The following SSBP3 variants were observed in gnomAD, a reference collection of about 807,000 sequenced individuals.
The protein encoded by SSBP3 is single stranded DNA binding protein 3.
A neutral mutation model predicts 69.6 loss-of-function variants in SSBP3; 5 were observed. The ratio of observed to expected loss-of-function variants is 0.07; its 90% CI spans 0.04 to 0.15. SSBP3 has a LOEUF of 0.15. Among genes scored for constraint, SSBP3 ranks in the 10% least tolerant of loss-of-function variants. The probability of loss-of-function intolerance (pLI) is 1.00; values close to 1 mark genes in which losing one functional copy is unlikely to be tolerated. For missense variants in SSBP3, 312 were observed against 534.0 expected, an observed-to-expected ratio of 0.58 and a Z score of 4.10; for synonymous variants, 196 against 193.4, an observed-to-expected ratio of 1.01 and a Z score of -0.11.
At chr1:54,257,221 G>C in intron 6 of SSBP3, 35 bp from the exon 7 acceptor site, 4 of 1,564,056 alleles carry the variant, frequency 2.6e-6, no homozygotes, top group Non-Finnish European at 3.5e-6. Flanking sequence ...ATGACAGCCT[G>C]CCCTACTGCA....
At chr1:54,242,333 G>T in intron 10 of SSBP3, 121 bp from the exon 11 acceptor site, 1 of 1,108,190 alleles carries the variant, frequency 9.0e-7, no homozygotes, top group Non-Finnish European at 1.3e-6. Flanking sequence ...CTACAGCCCT[G>T]CGGTTTAGAG....
exon 1 of SSBP3, chr1:54,406,113 C>G: frequency 1.1e-6 from 1 of 883,270 alleles, no homozygotes. Context: ...CTCCCCGGCG[C>G]TCGCTCGCTC....
intron 4 of SSBP3, among the ~76,000 whole-genome samples, chr1:54,332,533 C>G (rs970669056): frequency 6.6e-6 from 1 of 152,186 alleles, no homozygotes; most frequent in South Asian, 2.1e-4. Flanking sequence ...TCCAAACCCC[C>G]CTGGCCCCAG....
exon 11 of SSBP3, chr1:54,242,208 G>A (rs1644651665): frequency 6.2e-7 from 1 of 1,613,840 alleles, no homozygotes. Context: ...CCAGCTCCCG[G>A]GCCCCTGAGA....
rs12094858 is a variant in SSBP3, at chr1:54,235,091, A to G, written c.927+4038T>C. Among the ~76,000 whole-genome samples the G allele has an allele frequency of 3.7e-3, 565 of 152,224 alleles. 1 individual carries two copies. Among genetic ancestry groups the G allele is most frequent in the African/African-American group, 0.013 (535 of 41,532 alleles). Reference sequence around the variant, plus strand: ...TATCCTCTCCACACAACCCTTATACACAAAGTACCTCCGGTTTTACTTATA... The same window carrying G: ...TATCCTCTCCACACAACCCTTATACGCAAAGTACCTCCGGTTTTACTTATA... On this transcript the variant is annotated intron_variant, in intron 14 of 17. Coordinates refer to ENST00000610401, the Ensembl canonical transcript of SSBP3.
In SSBP3 at chr1:54,304,405, G is replaced by T. The variant is rs550320783; in HGVS notation, c.277-22878C>A. On this transcript the variant is annotated intron_variant, in intron 4 of 17. Coordinates refer to ENST00000610401, the Ensembl canonical transcript of SSBP3. The stretch of plus-strand genomic sequence containing the variant: ...TTAAAGAGCTCTTGGGGGGATGGGG[G>T]TGGGGAGGGGGGCTCTCCTCCAAGG... 5.4e-4 allele frequency among the ~76,000 whole-genome samples: 82 copies of T among 151,888 alleles called. 1 individual carries two copies. The highest frequency in any genetic ancestry group is 2.0e-3 in the African/African-American group (81 of 41,412).
At chr1:54,312,904 C>A (rs969236432) in intron 4 of SSBP3, among the ~76,000 whole-genome samples, 1 of 152,168 alleles carries the variant, frequency 6.6e-6, no homozygotes, top group Admixed American at 6.5e-5. Context: ...CACTTTGAAT[C>A]CACTTCAGAA....
At chr1:54,339,162 GAAAAAA>G (rs1050376980) in intron 4 of SSBP3, among the ~76,000 whole-genome samples, 2 of 149,414 alleles carry the variant, frequency 1.3e-5, no homozygotes, top group Non-Finnish European at 3.0e-5. Flanking sequence ...ATCTGTAACA[GAAAAAA>G]AAAGAAAAAG....
intron 5 of SSBP3, among the ~76,000 whole-genome samples, chr1:54,276,496 A>G (rs574099261): frequency 2.7e-5 from 4 of 150,802 alleles, no homozygotes; most frequent in Non-Finnish European, 4.4e-5. Flanking sequence ...CTGTAATCCC[A>G]GCTACTCAGG....
At chr1:54,234,230 G>C (rs1644445212) in intron 14 of SSBP3, among the ~76,000 whole-genome samples, 1 of 149,794 alleles carries the variant, frequency 6.7e-6, no homozygotes, top group Non-Finnish European at 1.5e-5. Flanking sequence ...AGGGTCCTCT[G>C]CCTAGGAAAA....
chr1:54,241,839 G>A (rs983465335), intron 11 of SSBP3, among the ~76,000 whole-genome samples: 3 of 152,230 alleles, frequency 2.0e-5, no homozygotes, highest in African/African-American at 7.2e-5. Flanking sequence ...TGTCTGTGTG[G>A]AGCACCTTAC....
intron 4 of SSBP3, among the ~76,000 whole-genome samples, chr1:54,292,335 A>T (rs1645622354): frequency 6.6e-6 from 1 of 152,194 alleles, no homozygotes; most frequent in Non-Finnish European, 1.5e-5. Flanking sequence ...GAAAACCCTG[A>T]CAGAAACTAG....
intron 13 of SSBP3, among the ~76,000 whole-genome samples, chr1:54,240,085 TGTGC>T (rs1315674209): frequency 0.024 from 923 of 38,520 alleles, 6 homozygotes; most frequent in South Asian, 0.079. Context: ...TGTGTGTGTG[TGTGC>T]GCGCGCGCGC....
chr1:54,258,238 A>G lies in SSBP3; in HGVS notation c.367-89T>C. 3 of 366,500 alleles carry G rather than the reference A, an allele frequency of 8.2e-6. No homozygotes were observed. Among genetic ancestry groups the G allele is most frequent in the South Asian group, 4.0e-5 (1 of 25,048 alleles). The allele number at this position is 366,500 out of a possible 1,614,324, so 22.7% of individuals were successfully genotyped here. On this transcript the variant is annotated intron_variant, in intron 5 of 17. Transcript: ENST00000610401. This position sits in a 1 kb window ranked among gnomAD's most constrained non-coding sequence, Gnocchi z 4.5. ...TTAAAAGAACAAAAATTAAACCAAA[A>G]CGAAGGGTGGGCGGCGGGCGTGCGG...
intron 4 of SSBP3, among the ~76,000 whole-genome samples, chr1:54,303,227 G>A (rs1284978087): frequency 2.0e-5 from 3 of 152,150 alleles, no homozygotes; most frequent in East Asian, 3.9e-4. Flanking sequence ...GGGTGGGGGC[G>A]CCTCTGCCAT....
At chr1:54,330,669 C>G (rs1282024926) in intron 4 of SSBP3, among the ~76,000 whole-genome samples, 1 of 151,912 alleles carries the variant, frequency 6.6e-6, no homozygotes, top group Non-Finnish European at 1.5e-5. Flanking sequence ...TACCTGCTGA[C>G]ACAGCCCAAA....
chr1:54,403,788 CA>C lies in SSBP3; in HGVS notation c.191+787del, dbSNP rs1386559689. ...TCAAAGACTCCACCAGTCAGTCCCA[CA>C]AAACACCCGGGTCATATACCTAGGG... is the stretch of plus-strand genomic sequence containing the variant. On this transcript the variant is annotated intron_variant, in intron 3 of 17. Coordinates refer to ENST00000610401, the Ensembl canonical transcript of SSBP3. Among the ~76,000 whole-genome samples the C allele has an allele frequency of 2.0e-5, 3 of 152,058 alleles. No homozygotes were observed. In the East Asian group the frequency reaches 5.8e-4, roughly 29 times the overall value.
At chr1:54,240,077 TGTGTGTGTGTGCGC>T (rs1421842665) in intron 13 of SSBP3, among the ~76,000 whole-genome samples, 446 of 22,004 alleles carry the variant, frequency 0.02, 7 homozygotes, top group African/African-American at 0.072. Context: ...TGTGTGTGTG[TGTGTGTGTGTGCGC>T]GCGCGCGCGT....
chr1:54,378,207 A>G (rs755338661), intron 4 of SSBP3, among the ~76,000 whole-genome samples: 12 of 151,968 alleles, frequency 7.9e-5, no homozygotes, highest in South Asian at 2.1e-4. Flanking sequence ...CCATATTCTC[A>G]TCAACTTTCT....
Sources: gnomAD v4.1 joint callset for allele counts (sites outside exome capture counted in the v4.1 genomes callset) on GRCh38, gnomAD v4.1.1 for gene constraint, Gnocchi (gnomAD v3.1) non-coding constraint, MANE v1.5 for transcripts, NCBI Gene and HGNC (gene_info 2026-07-23, HGNC 2026-07-21) for gene names.